PLCB4: variants seen among roughly 807,000 people sequenced by gnomAD.
PLCB4 encodes the protein 1-phosphatidylinositol 4,5-bisphosphate phosphodiesterase beta-4.
PLCB4 carries 77 observed loss-of-function variants against 178.8 expected under a neutral mutation model. The observed-to-expected ratio is 0.43, with a 90% CI of 0.36 to 0.52. The LOEUF is 0.52. PLCB4 is among the 20% of genes least tolerant of loss of function. The pLI is 0.00. For synonymous variants in PLCB4, 496 were observed against 490.8 expected (o/e 1.01, Z -0.14); for missense variants, 1,024 against 1,453.4 (o/e 0.70, Z 4.80).
chr20:9,410,686 G>A (rs113810141), intron 24 of PLCB4, among the ~76,000 whole-genome samples: 17 of 152,036 alleles, frequency 1.1e-4, no homozygotes, highest in African/African-American at 3.9e-4. Context: ...TATCTCCAGG[G>A]TTCCTCTGCC....
At chr20:9,293,590 G>T (rs570495318) in intron 3 of PLCB4, among the ~76,000 whole-genome samples, 27 of 151,870 alleles carry the variant, frequency 1.8e-4, no homozygotes, top group Middle Eastern at 6.8e-3. Flanking sequence ...TTTGTTTTGG[G>T]GGTTGGTTGG....
intron 4 of PLCB4, among the ~76,000 whole-genome samples, chr20:9,309,988 A>G (rs1044464171): frequency 3.2e-4 from 49 of 152,222 alleles, no homozygotes; most frequent in African/African-American, 1.2e-3. Flanking sequence ...TTCAAGTGCT[A>G]TTTTACTAGG....
At chr20:9,399,710 G>A (rs1289470920) in intron 19 of PLCB4, among the ~76,000 whole-genome samples, 1 of 152,230 alleles carries the variant, frequency 6.6e-6, no homozygotes, top group South Asian at 2.1e-4. Flanking sequence ...TTCTCTTAAG[G>A]TGGTTAGTAA....
chr20:9,167,962 A>G (rs748659721), intron 2 of PLCB4, among the ~76,000 whole-genome samples: 1 of 152,200 alleles, frequency 6.6e-6, no homozygotes, highest in Non-Finnish European at 1.5e-5. Flanking sequence ...ATACATGAAT[A>G]ATATGCAACA....
At chr20:9,296,215 C>T (rs2094632482) in intron 3 of PLCB4, among the ~76,000 whole-genome samples, 1 of 152,116 alleles carries the variant, frequency 6.6e-6, no homozygotes. Flanking sequence ...ACAGACACTT[C>T]TCAAAAGACG....
At chr20:9,162,599 G>A (rs1473772170) in intron 2 of PLCB4, among the ~76,000 whole-genome samples, 1 of 152,144 alleles carries the variant, frequency 6.6e-6, no homozygotes, top group African/African-American at 2.4e-5. Flanking sequence ...CTTCGTTCAT[G>A]TTTACTAGTC....
chr20:9,305,750 T>C (rs2147858936), intron 3 of PLCB4, among the ~76,000 whole-genome samples: 1 of 152,316 alleles, frequency 6.6e-6, no homozygotes, highest in East Asian at 1.9e-4. Flanking sequence ...CTCCTAAAAG[T>C]TGAAACAGTA....
chr20:9,226,906 A>T (rs1446648007), intron 3 of PLCB4, among the ~76,000 whole-genome samples: 2 of 151,996 alleles, frequency 1.3e-5, no homozygotes, highest in African/African-American at 4.8e-5. Flanking sequence ...TAATCATTTT[A>T]CCTTCCCATT....
At chr20:9,286,679 T>G (rs1312836199) in intron 3 of PLCB4, among the ~76,000 whole-genome samples, 1 of 152,042 alleles carries the variant, frequency 6.6e-6, no homozygotes, top group Admixed American at 6.6e-5. Context: ...TTCACAGTTA[T>G]TTTAAGACCA....
At chr20:9,187,832 G>T (rs2093349641) in intron 2 of PLCB4, among the ~76,000 whole-genome samples, 2 of 152,162 alleles carry the variant, frequency 1.3e-5, no homozygotes, top group African/African-American at 4.8e-5. Flanking sequence ...TCAAGGGTGG[G>T]TTGTCCATGT....
intron 3 of PLCB4, among the ~76,000 whole-genome samples, chr20:9,257,730 C>T (rs1047986294): frequency 6.6e-5 from 10 of 152,012 alleles, no homozygotes; most frequent in African/African-American, 2.2e-4. Context: ...CAGGACTGAA[C>T]GAACCAGAAT....
chr20:9,373,656 T>C (rs975003440), intron 12 of PLCB4, among the ~76,000 whole-genome samples: 1 of 152,326 alleles, frequency 6.6e-6, no homozygotes, highest in Middle Eastern at 3.4e-3. Context: ...TTTAGGCTAA[T>C]AGGATTGCAG....
intron 2 of PLCB4, among the ~76,000 whole-genome samples, chr20:9,196,464 G>A (rs1183482921): frequency 1.3e-5 from 2 of 152,142 alleles, no homozygotes; most frequent in African/African-American, 4.8e-5. Flanking sequence ...TTGCAAGCTC[G>A]ATAGTGACAG....
intron 1 of PLCB4, among the ~76,000 whole-genome samples, chr20:9,081,362 G>A (rs1230053888): frequency 1.7e-4 from 26 of 152,196 alleles, no homozygotes; most frequent in Admixed American, 1.7e-3. Context: ...TGACCCCTGT[G>A]ATGAAGTTTT....
At position 9,166,145 on chromosome 20, in the gene PLCB4, A is replaced by G. The variant is rs1436896013; in HGVS notation, c.-78-51245A>G. Among the ~76,000 whole-genome samples the G allele has an allele frequency of 3.3e-5, 5 of 152,282 alleles. No homozygotes were observed. The East Asian group carries it at 5.8e-4, about 18-fold the overall frequency. ...TACTACATTTCCTGAATTGTGGGCA[A>G]TCAGTTGTGCCTTTCTTTCAGTTTA... On this transcript the variant is annotated intron_variant, in intron 2 of 39. Transcript: ENST00000378473.
At chr20:9,126,559 T>C (rs1192912093) in intron 2 of PLCB4, among the ~76,000 whole-genome samples, 1 of 152,222 alleles carries the variant, frequency 6.6e-6, no homozygotes, top group East Asian at 1.9e-4. Context: ...TAGTGAATTT[T>C]GTGTTTTGTT....
chr20:9,178,116 C>T (rs985677609), intron 2 of PLCB4, among the ~76,000 whole-genome samples: 6 of 152,058 alleles, frequency 3.9e-5, no homozygotes, highest in South Asian at 2.1e-4. Context: ...GTCAGGAGTT[C>T]GAGACCATTC....
intron 3 of PLCB4, among the ~76,000 whole-genome samples, chr20:9,263,439 A>C (rs2094318433): frequency 6.6e-6 from 1 of 152,178 alleles, no homozygotes; most frequent in Non-Finnish European, 1.5e-5. Flanking sequence ...TGGCCCATGG[A>C]CCAGCAGCTT....
At chr20:9,473,435 A>G in intron 38 of PLCB4, 70 bp downstream of exon 38, 2 of 806,608 alleles carry the variant, frequency 2.5e-6, no homozygotes, top group Non-Finnish European at 4.2e-6. Context: ...GCCATGGCCC[A>G]CAGTGACCAG....
Sources: allele counts gnomAD v4.1 joint callset (sites outside exome capture counted in the v4.1 genomes callset), GRCh38; gene constraint gnomAD v4.1.1; transcripts MANE v1.5; gene names NCBI Gene and HGNC (gene_info 2026-07-23, HGNC 2026-07-21).